Variants in TRPC5 observed in about 807,000 individuals in gnomAD.
TRPC5 encodes transient receptor potential cation channel subfamily C member 5.
Under a neutral mutation model 56.5 loss-of-function variants are expected in TRPC5, and 9 were observed. The observed-to-expected ratio is 0.16, with a 90% CI of 0.10 to 0.28. The LOEUF is 0.28. TRPC5 is among the 10% of genes least tolerant of loss of function. The pLI is 1.00. For missense variants in TRPC5, 469 were observed against 748.9 expected, an observed-to-expected ratio of 0.63 and a Z score of 4.36; for synonymous variants, 282 against 278.5, an observed-to-expected ratio of 1.01 and a Z score of -0.13.
chrX:111,914,886 G>A (rs748365796), intron 2 of TRPC5, among the ~76,000 whole-genome samples: 1 of 111,564 alleles, frequency 9.0e-6, no homozygotes, highest in East Asian at 2.8e-4. Flanking sequence ...AGGAAGAAGC[G>A]AGCTCAGATG....
At chrX:111,923,390 T>C (rs1926174328) in intron 2 of TRPC5, among the ~76,000 whole-genome samples, 1 of 111,801 alleles carries the variant, frequency 8.9e-6, no homozygotes, top group African/African-American at 3.2e-5. Context: ...TTTCAAAAGA[T>C]AGGAGCTAAA....
At chrX:111,778,560 T>C (rs773100810) in intron 10 of TRPC5, among the ~76,000 whole-genome samples, 1 of 111,920 alleles carries the variant, frequency 8.9e-6, no homozygotes, top group Non-Finnish European at 1.9e-5. Flanking sequence ...AGTATAATTT[T>C]AATGTTTAAT....
chrX:111,831,448 G>A (rs1922404658), intron 7 of TRPC5, among the ~76,000 whole-genome samples: 1 of 112,000 alleles, frequency 8.9e-6, no homozygotes, highest in South Asian at 3.8e-4. Context: ...TTGGCACTTA[G>A]ATGGTATGCA....
intron 3 of TRPC5, among the ~76,000 whole-genome samples, chrX:111,908,461 C>T (rs772753779): frequency 9.0e-6 from 1 of 111,149 alleles, no homozygotes; most frequent in Non-Finnish European, 1.9e-5. Context: ...ATTCTGAAGT[C>T]TCTGGCTATG....
intron 3 of TRPC5, among the ~76,000 whole-genome samples, chrX:111,900,068 G>A (rs149081668): frequency 9.8e-4 from 109 of 111,224 alleles, no homozygotes; most frequent in Middle Eastern, 4.7e-3. Flanking sequence ...CAACTGAGTG[G>A]GTCAAAAAAG....
chrX:111,899,514 A>G (rs1392915877), intron 3 of TRPC5, among the ~76,000 whole-genome samples: 2 of 111,505 alleles, frequency 1.8e-5, no homozygotes, highest in African/African-American at 6.5e-5. Flanking sequence ...AAATGGAAGC[A>G]TATTGATCAA....
intron 2 of TRPC5, among the ~76,000 whole-genome samples, chrX:111,926,242 G>T (rs186617851): frequency 7.0e-4 from 78 of 111,346 alleles, no homozygotes; most frequent in African/African-American, 2.5e-3. Context: ...TAGGACAATG[G>T]TTCTCAATGT....
At chrX:112,001,960 T>C (rs1217807647) in intron 1 of TRPC5, among the ~76,000 whole-genome samples, 1 of 111,738 alleles carries the variant, frequency 8.9e-6, no homozygotes, top group African/African-American at 3.3e-5. Flanking sequence ...TAAGATCCAA[T>C]CAGGTTTTAC....
intron 3 of TRPC5, among the ~76,000 whole-genome samples, chrX:111,855,948 C>G (rs1469773673): frequency 8.9e-6 from 1 of 111,896 alleles, no homozygotes; most frequent in Non-Finnish European, 1.9e-5. Context: ...AAGGGAGGGA[C>G]AAATCTGGAT....
rs141627657 is a variant in TRPC5, at chrX:111,939,422, A to G, written c.378+12621T>C. 4.8e-4 allele frequency among the ~76,000 whole-genome samples: 54 copies of G among 111,497 alleles called. No homozygotes were observed. The East Asian group carries it at 0.014, about 29-fold the overall frequency. On this transcript the variant is annotated intron_variant, in intron 2 of 10. Coordinates refer to ENST00000262839, the MANE Select transcript of TRPC5 (RefSeq NM_012471.3). The stretch of plus-strand genomic sequence containing the variant: ...GGTAGTACAGGACTTAGAATGAATT[A>G]GAAATATTCTCTCCTCCATTTTTCA...
intron 2 of TRPC5, among the ~76,000 whole-genome samples, chrX:111,921,580 G>A (rs1388887874): frequency 7.3e-5 from 8 of 110,194 alleles, no homozygotes; most frequent in Admixed American, 6.8e-4. Context: ...GAAAGATCTT[G>A]GACTTTCTGT....
intron 2 of TRPC5, among the ~76,000 whole-genome samples, chrX:111,928,565 T>C (rs1291646359): frequency 1.8e-5 from 2 of 112,067 alleles, no homozygotes; most frequent in Non-Finnish European, 3.8e-5. Context: ...TCTCAAGCAG[T>C]ATACCTTTCG....
rs192023216 is a variant in TRPC5 at position 111,841,035 on chromosome X, T to C, written c.1701-5919A>G. Among the ~76,000 whole-genome samples, 7 of 111,462 alleles carry C rather than the reference T, an allele frequency of 6.3e-5. No individual in the cohort carries two copies. The East Asian group carries it at 2.0e-3, about 32-fold the overall frequency. The stretch of plus-strand genomic sequence containing the variant: ...GCATCAGGAAGGATATGGACTGGAA[T>C]TAGGAGGAAAAGCCAGAGATAACCA... On this transcript the variant is annotated intron_variant, in intron 6 of 10. Transcript: ENST00000262839.
intron 1 of TRPC5, among the ~76,000 whole-genome samples, chrX:112,040,415 G>T (rs73550106): frequency 0.013 from 1,448 of 111,747 alleles, 21 homozygotes; most frequent in African/African-American, 0.044. Context: ...AGATAATGTA[G>T]TGTTCATTAG....
intron 8 of TRPC5, among the ~76,000 whole-genome samples, chrX:111,781,508 G>A (rs1242778148): frequency 4.5e-5 from 5 of 111,643 alleles, no homozygotes; most frequent in Middle Eastern, 4.6e-3. Context: ...GGAGGATCAC[G>A]AGGTCAGGAG....
rs999225093 is a variant in TRPC5 at position 111,782,280 on chromosome X, C to T, written c.1897-142G>A. ...ATTCAAATTATACATACCCTGTCAC[C>T]CAGTAACCCTACTCTTAGAAATATA... On this transcript the variant is annotated intron_variant, in intron 7 of 10. Coordinates refer to ENST00000262839, the MANE Select transcript of TRPC5 (RefSeq NM_012471.3). 9.1e-6 allele frequency: 4 copies of T among 440,495 alleles called. No individual in the cohort carries two copies. In the African/African-American group the frequency reaches 1.0e-4, roughly 11 times the overall value. The allele number at this position is 440,495 out of a possible 1,213,427, so 36.3% of individuals were successfully genotyped here. A position where few individuals can be genotyped will look rare whatever the true frequency, so the allele number is the denominator to read the frequency against.
chrX:111,929,576 T>G (rs1369972798), intron 2 of TRPC5, among the ~76,000 whole-genome samples: 1 of 112,423 alleles, frequency 8.9e-6, no homozygotes, highest in Admixed American at 9.4e-5. Flanking sequence ...GTGACATTCC[T>G]GCCTGTGGAA....
intron 2 of TRPC5, among the ~76,000 whole-genome samples, chrX:111,913,378 G>A (rs1925876927): frequency 9.0e-6 from 1 of 111,078 alleles, no homozygotes; most frequent in African/African-American, 3.3e-5. Context: ...ATAACTTCAG[G>A]GGACCAAAGC....
chrX:111,947,146 T>C (rs1234221048), intron 2 of TRPC5, among the ~76,000 whole-genome samples: 1 of 111,174 alleles, frequency 9.0e-6, no homozygotes, highest in Non-Finnish European at 1.9e-5. Context: ...CCTCCATTGA[T>C]CTACTTTGTC....
Sources: gnomAD v4.1 joint callset for allele counts (sites outside exome capture counted in the v4.1 genomes callset) on GRCh38, gnomAD v4.1.1 for gene constraint, MANE v1.5 for transcripts, NCBI Gene and HGNC (gene_info 2026-07-23, HGNC 2026-07-21) for gene names.